The following FRMD5 variants were observed in gnomAD, a reference collection of about 807,000 sequenced individuals.
FRMD5 encodes the protein FERM domain containing 5, also known as FERM domain-containing protein 5.
A neutral mutation model predicts 69.0 loss-of-function variants in FRMD5; 20 were observed. The ratio of observed to expected loss-of-function variants is 0.29; its 90% CI spans 0.20 to 0.42. The LOEUF (loss-of-function observed/expected upper bound fraction) is 0.42, where lower values mean the gene tolerates loss of function less well. Among genes scored for constraint, FRMD5 ranks in the 10% least tolerant of loss-of-function variants. The pLI, the probability that FRMD5 is intolerant of heterozygous loss-of-function variation, is 1.00. For missense variants in FRMD5, 595 were observed against 708.6 expected, an observed-to-expected ratio of 0.84 and a Z score of 1.82; for synonymous variants, 271 against 260.1, an observed-to-expected ratio of 1.04 and a Z score of -0.40.
In FRMD5 at chr15:44,010,239, CT is replaced by C. The variant is rs1467598462; in HGVS notation, c.103-85931del. ...AATACTCAAGAGGAAAGCAAGTTGC[CT>C]TCTGTCTCCACTTTACACACAGCAG... On this transcript the variant is annotated intron_variant, in intron 1 of 13. Coordinates refer to ENST00000417257, the MANE Select transcript of FRMD5 (RefSeq NM_032892.5). 3.3e-5 allele frequency among the ~76,000 whole-genome samples: 5 copies of C among 152,146 alleles called. No homozygotes were observed. In the East Asian group the frequency reaches 9.6e-4, roughly 29 times the overall value.
At chr15:43,996,289 A>C (rs1371815682) in intron 1 of FRMD5, among the ~76,000 whole-genome samples, 2 of 152,140 alleles carry the variant, frequency 1.3e-5, no homozygotes, top group Admixed American at 1.3e-4. Context: ...GTCAGGGACC[A>C]TGGGGCCTAC....
chr15:44,013,270 G>A lies in FRMD5; in HGVS notation c.103-88961C>T, dbSNP rs190905914. 5.9e-5 allele frequency among the ~76,000 whole-genome samples: 9 copies of A among 152,212 alleles called. No homozygotes were observed. The East Asian group carries it at 9.7e-4, about 16-fold the overall frequency. The stretch of plus-strand genomic sequence containing the variant: ...TAGCTGGGCGTGGTGGCATGCCCCC[G>A]TCATCTCAGCTACATGGGAGGCTAA... On this transcript the variant is annotated intron_variant, in intron 1 of 13. Coordinates refer to ENST00000417257, the MANE Select transcript of FRMD5 (RefSeq NM_032892.5).
intron 1 of FRMD5, among the ~76,000 whole-genome samples, chr15:44,052,289 G>A (rs1044209775): frequency 6.6e-6 from 1 of 152,114 alleles, no homozygotes; most frequent in African/African-American, 2.4e-5. Flanking sequence ...ACCATTGGGA[G>A]CTCTTTCAGT....
chr15:44,009,281 A>T (rs1285775604), intron 1 of FRMD5, among the ~76,000 whole-genome samples: 1 of 152,222 alleles, frequency 6.6e-6, no homozygotes, highest in Non-Finnish European at 1.5e-5. Context: ...AGGTAATAAG[A>T]CTTGCTCAAT....
At chr15:44,124,612 G>A (rs2077000684) in intron 1 of FRMD5, among the ~76,000 whole-genome samples, 1 of 151,748 alleles carries the variant, frequency 6.6e-6, no homozygotes, top group African/African-American at 2.4e-5. Flanking sequence ...GGCAGGAGAA[G>A]CACTTGAACC....
At chr15:44,005,512 G>A (rs1012206463) in intron 1 of FRMD5, among the ~76,000 whole-genome samples, 2 of 150,798 alleles carry the variant, frequency 1.3e-5, no homozygotes, top group African/African-American at 4.9e-5. Flanking sequence ...AAATATCTGA[G>A]AGTGGGTAAT....
At chr15:44,062,557 G>C (rs950345975) in intron 1 of FRMD5, among the ~76,000 whole-genome samples, 1 of 152,000 alleles carries the variant, frequency 6.6e-6, no homozygotes, top group Non-Finnish European at 1.5e-5. Context: ...CAGGCATGGT[G>C]GTGGGTGCCT....
At chr15:44,065,630 T>A (rs562744851) in intron 1 of FRMD5, among the ~76,000 whole-genome samples, 1 of 152,262 alleles carries the variant, frequency 6.6e-6, no homozygotes, top group South Asian at 2.1e-4. Flanking sequence ...AATATATTGA[T>A]TTTGGTCATG....
intron 10 of FRMD5, 98 bp from the exon 11 acceptor site, chr15:43,885,853 T>C: frequency 1.0e-6 from 1 of 960,966 alleles, no homozygotes; most frequent in East Asian, 2.4e-5. Flanking sequence ...TACTTGAAAC[T>C]TCAGGAAAAA....
At chr15:43,915,833 G>GA (rs1248879031) in intron 4 of FRMD5, among the ~76,000 whole-genome samples, 3 of 152,242 alleles carry the variant, frequency 2.0e-5, no homozygotes, top group Non-Finnish European at 4.4e-5. Flanking sequence ...ATATTGCCTG[G>GA]AAAAAACACA....
At position 43,895,903 on chromosome 15, in the gene FRMD5, CTTG is replaced by C. The variant is rs1326488477; in HGVS notation, c.640-3837_640-3835del. Among the ~76,000 whole-genome samples the C allele has an allele frequency of 2.6e-4, 40 of 152,222 alleles. 1 individual carries two copies. Among genetic ancestry groups the C allele is most frequent in the Non-Finnish European group, 8.8e-5 (6 of 68,040 alleles). On this transcript the variant is annotated intron_variant, in intron 7 of 13. Coordinates refer to ENST00000417257, the MANE Select transcript of FRMD5 (RefSeq NM_032892.5). Reference sequence around the variant, plus strand: ...AGATTCTTCTATCTGACTTGTCATTCTTGTTGTGAGCCTGCCGTTGGAGTTTGT... The same window carrying C: ...AGATTCTTCTATCTGACTTGTCATTCTTGTGAGCCTGCCGTTGGAGTTTGT...
rs1264480247 is a variant in FRMD5, at chr15:43,902,339, T to C, written c.552-77A>G. On this transcript the variant is annotated intron_variant, in intron 6 of 13. Transcript: ENST00000417257. ...CCCTGAGGTAAACTCTCTATGAAGATGTGCTTAGGATGAGCCACACATCTC... is the reference window on the plus strand; with the variant it reads ...CCCTGAGGTAAACTCTCTATGAAGACGTGCTTAGGATGAGCCACACATCTC... 41 of 1,229,214 alleles carry C rather than the reference T, an allele frequency of 3.3e-5. No homozygotes were observed. The East Asian group carries it at 9.5e-4, about 28-fold the overall frequency. 76.1% of individuals were successfully genotyped at this position (1,229,214 alleles called of 1,614,324 possible).
chr15:44,132,844 G>A (rs1418726913), intron 1 of FRMD5, among the ~76,000 whole-genome samples: 1 of 151,222 alleles, frequency 6.6e-6, no homozygotes, highest in Non-Finnish European at 1.5e-5. Context: ...TGCAACCTCC[G>A]TCTCCCGGGT....
chr15:44,196,195 C>T (rs909395014), upstream of FRMD5, among the ~76,000 whole-genome samples: 1 of 152,180 alleles, frequency 6.6e-6, no homozygotes, highest in Admixed American at 6.6e-5. Flanking sequence ...GGCGCAGTGG[C>T]TCAAGCCTGT....
intron 1 of FRMD5, among the ~76,000 whole-genome samples, chr15:43,983,622 T>C (rs1020338354): frequency 6.6e-6 from 1 of 152,194 alleles, no homozygotes; most frequent in African/African-American, 2.4e-5. Context: ...CAAAACCACA[T>C]TTACCTGGGA....
chr15:43,904,188 G>A (rs2140404302), intron 6 of FRMD5, among the ~76,000 whole-genome samples: 1 of 152,298 alleles, frequency 6.6e-6, no homozygotes, highest in Non-Finnish European at 1.5e-5. Flanking sequence ...ATCATTGAGT[G>A]AAGGGTTTCT....
At chr15:44,021,570 A>G (rs1891209063) in intron 1 of FRMD5, among the ~76,000 whole-genome samples, 1 of 152,212 alleles carries the variant, frequency 6.6e-6, no homozygotes, top group South Asian at 2.1e-4. Context: ...AACATTACCA[A>G]TCATTAGGGA....
chr15:44,180,332 A>G (rs2077975709), intron 1 of FRMD5, among the ~76,000 whole-genome samples: 1 of 152,192 alleles, frequency 6.6e-6, no homozygotes, highest in African/African-American at 2.4e-5. Flanking sequence ...ATTACAAATT[A>G]AAGATATGTA....
At chr15:44,130,863 G>A (rs746894383) in intron 1 of FRMD5, among the ~76,000 whole-genome samples, 4 of 152,070 alleles carry the variant, frequency 2.6e-5, no homozygotes, top group African/African-American at 9.7e-5. Flanking sequence ...TACATTAAAA[G>A]AAATTATTAT....
Sources: gnomAD v4.1 joint callset for allele counts (sites outside exome capture counted in the v4.1 genomes callset) on GRCh38, gnomAD v4.1.1 for gene constraint, MANE v1.5 for transcripts, NCBI Gene and HGNC (gene_info 2026-07-23, HGNC 2026-07-21) for gene names.